The following SIRT4 variants were observed in gnomAD, a reference collection of about 807,000 sequenced individuals.
SIRT4 encodes the protein sirtuin 4.
Under a neutral mutation model 26.1 loss-of-function variants are expected in SIRT4, and 23 were observed. The observed-to-expected ratio is 0.88, with a 90% CI of 0.63 to 1.25. SIRT4 has a LOEUF of 1.25. SIRT4 is among the 50% of genes most tolerant of loss of function. The probability of loss-of-function intolerance (pLI) is 0.00; values close to 1 mark genes in which losing one functional copy is unlikely to be tolerated. For missense variants in SIRT4, 361 were observed against 405.4 expected (o/e 0.89, Z 0.94); for synonymous variants, 155 against 158.4 (o/e 0.98, Z 0.16).
chr12:120,312,618 C>T lies in SIRT4; in HGVS notation c.660C>T (p.Cys220=), dbSNP rs61761941. Residue 220 remains cysteine (C), a synonymous_variant, in exon 3 of 4, where the codon TGC becomes TGT. Transcript: ENST00000202967. ...EQVRSFQVPT[C]VQCGGHLKPD... ...TCCGGAGCTTTCAGGTCCCAACCTG[C>T]GTTCAATGTGGAGGCCATCTGAAAC... 161 of 1,614,144 alleles carry T rather than the reference C, an allele frequency of 1.0e-4. No individual in the cohort carries two copies. The highest frequency in any genetic ancestry group is 6.6e-4 in the Middle Eastern group (4 of 6,060).
chr12:120,306,734 C>G (rs548651663), intron 2 of SIRT4, among the ~76,000 whole-genome samples: 1 of 152,232 alleles, frequency 6.6e-6, no homozygotes, highest in East Asian at 1.9e-4. Context: ...ACCTGGGAGG[C>G]AGAGGTTGCA....
chr12:120,296,163 A>C, the SIRT4 span, among the ~76,000 whole-genome samples: 1 of 151,810 alleles, frequency 6.6e-6, no homozygotes, highest in Non-Finnish European at 1.5e-5. Flanking sequence ...GTAAACACGA[A>C]AAGTTCAAAG....
the SIRT4 span, among the ~76,000 whole-genome samples, chr12:120,295,419 A>AATTT: frequency 1.1e-3 from 86 of 81,300 alleles, 7 homozygotes; most frequent in African/African-American, 3.2e-3. Context: ...TATATAGATA[A>AATTT]TTTTTTTTTT....
At chr12:120,312,338 T>G in intron 2 of SIRT4, 118 bp from the exon 3 acceptor site, 1 of 911,624 alleles carries the variant, frequency 1.1e-6, no homozygotes, top group Non-Finnish European at 1.7e-6. Flanking sequence ...GTGGGGATTG[T>G]GTGTTAGGGA....
At chr12:120,300,195 G>T (rs888010258), upstream of SIRT4, among the ~76,000 whole-genome samples, 2 of 151,980 alleles carry the variant, frequency 1.3e-5, no homozygotes, top group African/African-American at 4.8e-5. Context: ...GAGAGGATGA[G>T]GTTGGAGGAT....
upstream of SIRT4, among the ~76,000 whole-genome samples, chr12:120,300,457 T>G (rs1408716686): frequency 6.6e-6 from 1 of 152,148 alleles, no homozygotes; most frequent in Non-Finnish European, 1.5e-5. Flanking sequence ...TATTATTATT[T>G]TTTGAAGAGA....
At chr12:120,304,836 T>TATATATATATATATATA (rs1491279066) in intron 2 of SIRT4, among the ~76,000 whole-genome samples, 4 of 6,424 alleles carry the variant, frequency 6.2e-4, no homozygotes, top group African/African-American at 1.5e-3. Flanking sequence ...TATATATATA[T>TATATATATATATATATA]TTTTTTTTTT....
intron 1 of SIRT4, among the ~76,000 whole-genome samples, chr12:120,303,077 G>A (rs1254142330): frequency 6.6e-6 from 1 of 151,972 alleles, no homozygotes; most frequent in African/African-American, 2.4e-5. Flanking sequence ...TCTCTGATGT[G>A]TCCAAGTAGC....
chr12:120,304,123 G>A (rs1872653779), intron 2 of SIRT4, 65 bp downstream of exon 2: 3 of 1,561,612 alleles, frequency 1.9e-6, no homozygotes, highest in African/African-American at 1.4e-5. Flanking sequence ...AGGGACCTTG[G>A]CTGTCTTGAT....
At chr12:120,312,100 C>G (rs1203428392) in intron 2 of SIRT4, among the ~76,000 whole-genome samples, 1 of 151,854 alleles carries the variant, frequency 6.6e-6, no homozygotes, top group African/African-American at 2.4e-5. Context: ...CTGGGCGACA[C>G]AGTGAAACAC....
intron 2 of SIRT4, among the ~76,000 whole-genome samples, chr12:120,307,009 C>T (rs1355554764): frequency 1.3e-5 from 2 of 152,248 alleles, no homozygotes; most frequent in East Asian, 1.9e-4. Context: ...GGGTATCATG[C>T]TTATGGGTCT....
At chr12:120,294,774 T>A in the SIRT4 span, among the ~76,000 whole-genome samples, 1 of 151,160 alleles carries the variant, frequency 6.6e-6, no homozygotes, top group African/African-American at 2.4e-5. Flanking sequence ...CATCTTGGCC[T>A]CCCAAAGTGC....
At chr12:120,293,540 G>A in the SIRT4 span, among the ~76,000 whole-genome samples, 1 of 152,164 alleles carries the variant, frequency 6.6e-6, no homozygotes, top group Non-Finnish European at 1.5e-5. Flanking sequence ...CTTGGCTCCA[G>A]ATTCAGTGTA....
intron 2 of SIRT4, among the ~76,000 whole-genome samples, chr12:120,308,781 G>A (rs1271711594): frequency 6.6e-6 from 1 of 152,148 alleles, no homozygotes; most frequent in African/African-American, 2.4e-5. Context: ...GGCTAAACAG[G>A]ATTAAAAAGA....
the SIRT4 span, chr12:120,293,234 A>G: frequency 2.6e-5 from 4 of 152,208 alleles, no homozygotes; most frequent in Non-Finnish European, 5.9e-5. Context: ...CACTGCGCAA[A>G]GCTAATTTGT....
At chr12:120,312,778 A>G (rs1313950709) in intron 3 of SIRT4, 28 bp downstream of exon 3, 1 of 1,606,222 alleles carries the variant, frequency 6.2e-7, no homozygotes. Context: ...AGTGGTAACC[A>G]CCCCTTGTGC....
At chr12:120,295,871 A>G in the SIRT4 span, among the ~76,000 whole-genome samples, 2 of 151,776 alleles carry the variant, frequency 1.3e-5, no homozygotes, top group Non-Finnish European at 1.5e-5. Flanking sequence ...CAGCCTGGTA[A>G]CATGGCGACA....
chr12:120,297,197 T>A, the SIRT4 span, among the ~76,000 whole-genome samples: 1 of 151,788 alleles, frequency 6.6e-6, no homozygotes, highest in Non-Finnish European at 1.5e-5. Context: ...CACTCCAGCC[T>A]GGGCGATAGA....
rs757656171 is a variant in SIRT4 at position 120,313,055 on chromosome 12, G to C, written c.*19G>C. 1.9e-6 allele frequency: 3 copies of C among 1,613,676 alleles called. No individual in the cohort carries two copies. Among genetic ancestry groups the C allele is most frequent in the Non-Finnish European group, 2.5e-6 (3 of 1,179,806 alleles). ...ATGCTGACCACAGCCTGATATTCCA[G>C]AACCTGGAACAGGGACTTTCACTTG... On this transcript the variant is annotated 3_prime_UTR_variant, in exon 4 of 4. Transcript: ENST00000202967.
Sources: allele counts gnomAD v4.1 joint callset (sites outside exome capture counted in the v4.1 genomes callset), GRCh38; gene constraint gnomAD v4.1.1; transcripts MANE v1.5; gene names NCBI Gene and HGNC (gene_info 2026-07-23, HGNC 2026-07-21).